Variants in TNNT2 observed in about 807,000 individuals in gnomAD.
TNNT2 encodes the protein troponin T2, cardiac type, also known as troponin T, cardiac muscle.
In TNNT2, 34 loss-of-function variants were observed where a neutral mutation model predicts 62.4. The observed-to-expected ratio is 0.54, with a 90% confidence interval of 0.41 to 0.72. The LOEUF is 0.72. Ranked by LOEUF, TNNT2 falls within the 30% of genes least tolerant of loss-of-function variation. TNNT2 has a pLI of 0.00. For synonymous variants in TNNT2, 123 were observed against 127.2 expected, an observed-to-expected ratio of 0.97 and a Z score of 0.22; for missense variants, 275 against 381.9, an observed-to-expected ratio of 0.72 and a Z score of 2.33.
intron 4 of TNNT2, among the ~76,000 whole-genome samples, chr1:201,370,106 C>T (rs1273430904): frequency 1.3e-5 from 2 of 152,216 alleles, no homozygotes; most frequent in African/African-American, 4.8e-5. Context: ...GACTGAATGA[C>T]CTAGCGTGCA....
chr1:201,371,420 C>T (rs955054061), intron 4 of TNNT2, among the ~76,000 whole-genome samples: 6 of 152,174 alleles, frequency 3.9e-5, no homozygotes, highest in East Asian at 1.9e-4. Context: ...CGAGATAAGA[C>T]GTCTCAGATC....
chr1:201,373,015 C>A, intron 2 of TNNT2, 199 bp downstream of exon 2: 1 of 707,874 alleles, frequency 1.4e-6, no homozygotes, highest in Non-Finnish European at 2.6e-6. Flanking sequence ...CGAAGTCTCT[C>A]GGCCTGTGCT....
At chr1:201,372,123 G>A (rs1387862301) in intron 3 of TNNT2, 22 bp downstream of exon 3, 1 of 1,614,036 alleles carries the variant, frequency 6.2e-7, no homozygotes, top group East Asian at 2.2e-5. Flanking sequence ...TGATCCAAAT[G>A]AGTACACACG....
At chr1:201,373,003 C>T (rs1660872993) in intron 2 of TNNT2, 1 of 688,710 alleles carries the variant, frequency 1.5e-6, no homozygotes, top group African/African-American at 1.8e-5. Context: ...CTCTGTGCTT[C>T]CCGAAGTCTC....
intron 1 of TNNT2, 47 bp downstream of exon 1, chr1:201,377,576 G>A (rs749212964): frequency 3.1e-5 from 14 of 456,088 alleles, no homozygotes; most frequent in East Asian, 6.9e-5. Context: ...ACATCTCCCC[G>A]TCCATTCTCT....
At chr1:201,360,887 C>A in intron 15 of TNNT2, 1 of 352,086 alleles carries the variant, frequency 2.8e-6, no homozygotes, top group South Asian at 2.3e-5. Context: ...GTGCCCACAC[C>A]AGGACCTTGG....
Position 201,365,516 on chromosome 1 carries a change from C to T in TNNT2, c.294+94G>A, listed in dbSNP as rs1258699637. ...GGTGCTGCACCCCATCCCACCTATG[C>T]TCTACCCCAGCCCAAGGTCACAAAA... On this transcript the variant is annotated intron_variant, in intron 9 of 16. Transcript: ENST00000656932. 5 of 1,433,702 alleles carry T rather than the reference C, an allele frequency of 3.5e-6. No individual in the cohort carries two copies. The African/African-American group carries it at 7.0e-5, about 20-fold the overall frequency. 88.8% of individuals were successfully genotyped at this position (1,433,702 alleles called of 1,614,324 possible). A position where few individuals can be genotyped will look rare whatever the true frequency, so the allele number is the denominator to read the frequency against.
chr1:201,365,955 G>T, intron 8 of TNNT2: 1 of 1,292,350 alleles, frequency 7.7e-7, no homozygotes, highest in East Asian at 3.3e-5. Flanking sequence ...GCTCAGGGAG[G>T]TAGAATGACT....
At chr1:201,364,007 C>A in intron 11 of TNNT2, 1 of 436,134 alleles carries the variant, frequency 2.3e-6, no homozygotes, top group East Asian at 4.9e-5. Context: ...CTGCCTCAGC[C>A]TCCTGAGTAG....
In TNNT2 at chr1:201,361,911, A is replaced by T. The variant is rs113984578; in HGVS notation, c.719+2T>A. The T allele has an allele frequency of 1.9e-6, 3 of 1,613,554 alleles. No homozygotes were observed. In the African/African-American group the frequency reaches 4.0e-5, roughly 22 times the overall value. ...CCCAGGACCATTCCTCCCAGCCCCC[A>T]CCTCAGCTGATCTTCATTCAGGTGG... On this transcript the variant is annotated splice_donor_variant, in intron 14 of 16. Transcript: ENST00000656932. LOFTEE classifies it high-confidence loss of function.
chr1:201,364,081 T>A lies in TNNT2; in HGVS notation c.489+217A>T, dbSNP rs1659213796. ...TTGTATTTTTAGTAGAGACAGGGTTTCTCCGTTGGTCAGGATGGTCTCGAA... is the reference window on the plus strand; with the variant it reads ...TTGTATTTTTAGTAGAGACAGGGTTACTCCGTTGGTCAGGATGGTCTCGAA... On this transcript the variant is annotated intron_variant, in intron 11 of 16. Transcript: ENST00000656932. The A allele has an allele frequency of 5.4e-6, 3 of 558,168 alleles. No individual in the cohort carries two copies. In the East Asian group the frequency reaches 9.3e-5, roughly 17 times the overall value. The allele number at this position is 558,168 out of a possible 1,614,324, so 34.6% of individuals were successfully genotyped here. A position where few individuals can be genotyped will look rare whatever the true frequency, so the allele number is the denominator to read the frequency against.
chr1:201,363,492 G>A lies in TNNT2; in HGVS notation c.490-86C>T, dbSNP rs1198014629. 3.1e-6 allele frequency: 4 copies of A among 1,284,794 alleles called. No homozygotes were observed. The African/African-American group carries it at 4.4e-5, about 14-fold the overall frequency. The allele number at this position is 1,284,794 out of a possible 1,614,324, so 79.6% of individuals were successfully genotyped here. On this transcript the variant is annotated intron_variant, in intron 11 of 16. Transcript: ENST00000656932. ...GGGCTGAAGCTTGTGGTCTTTATGG[G>A]TGAGTTCAGCTTTCTCTCCGCTCAG...
chr1:201,376,379 C>T (rs1047116000), intron 1 of TNNT2, among the ~76,000 whole-genome samples: 2 of 152,314 alleles, frequency 1.3e-5, no homozygotes, highest in Admixed American at 6.5e-5. Context: ...AGTTCTGTCC[C>T]TGTAGAAACA....
chr1:201,368,979 C>A (rs16848462), intron 5 of TNNT2, among the ~76,000 whole-genome samples: 20,767 of 152,156 alleles, frequency 0.14, 1,667 homozygotes, highest in African/African-American at 0.23. Flanking sequence ...CCTGGAGATG[C>A]CTTTTATTTG....
intron 12 of TNNT2, among the ~76,000 whole-genome samples, chr1:201,362,741 G>A (rs537446703): frequency 6.6e-6 from 1 of 152,120 alleles, no homozygotes; most frequent in Non-Finnish European, 1.5e-5. Context: ...CTCCTCCCTC[G>A]AGAATGGAGG....
At chr1:201,373,482 A>C in intron 1 of TNNT2, 1 of 606,450 alleles carries the variant, frequency 1.6e-6, no homozygotes, top group Non-Finnish European at 3.0e-6. Flanking sequence ...GCTGATGTCC[A>C]CTTCGTTCCT....
intron 4 of TNNT2, among the ~76,000 whole-genome samples, chr1:201,370,384 C>G (rs1660439853): frequency 6.6e-6 from 1 of 152,312 alleles, no homozygotes; most frequent in Non-Finnish European, 1.5e-5. Flanking sequence ...GAGCCTGGCC[C>G]CAGGGGAGAT....
chr1:201,362,075 C>T (rs756538082), intron 13 of TNNT2, 53 bp from the exon 14 acceptor site: 17 of 1,588,244 alleles, frequency 1.1e-5, no homozygotes, highest in East Asian at 4.5e-5. Context: ...CTCCCTGTCC[C>T]CTAACCCTCC....
chr1:201,363,340 T>C lies in TNNT2; in HGVS notation c.556A>G (p.Lys186Glu), dbSNP rs1187362394. 6.2e-7 allele frequency: 1 copy of C among 1,614,172 alleles called. No individual in the cohort carries two copies. The highest frequency in any genetic ancestry group is 8.5e-7 in the Non-Finnish European group (1 of 1,180,028). Reference sequence around the variant, plus strand: ...AAATGCATCATGTTGGACAAAGCCTTCTTCTTCCGGGCCTCATCCTCAGCC... The same window carrying C: ...AAATGCATCATGTTGGACAAAGCCTCCTTCTTCCGGGCCTCATCCTCAGCC... ...RKAEDEARKK[K>E]ALSNMMHFGG... The change falls in exon 12 of 17, where the codon AAG becomes GAG. Residue 186 changes from lysine (K) to glutamate (E), a missense_variant. Transcript: ENST00000656932.
Sources: allele counts gnomAD v4.1 joint callset (sites outside exome capture counted in the v4.1 genomes callset), GRCh38; gene constraint gnomAD v4.1.1; transcripts MANE v1.5; gene names NCBI Gene and HGNC (gene_info 2026-07-23, HGNC 2026-07-21).